The following EXOC6 variants were observed in gnomAD, a reference collection of about 807,000 sequenced individuals.
The protein encoded by EXOC6 is SEC15-like 1.
EXOC6 carries 60 observed loss-of-function variants against 112.5 expected under a neutral mutation model. That is an observed-to-expected ratio of 0.53 (90% confidence interval 0.43 to 0.66). The LOEUF is 0.66. Among genes scored for constraint, EXOC6 ranks in the 30% least tolerant of loss-of-function variants. The pLI is 0.00. For missense variants in EXOC6, 855 were observed against 957.1 expected (o/e 0.89, Z 1.41); for synonymous variants, 295 against 308.0 (o/e 0.96, Z 0.44).
At chr10:92,910,728 G>T (rs951445079) in intron 6 of EXOC6, among the ~76,000 whole-genome samples, 3 of 152,128 alleles carry the variant, frequency 2.0e-5, no homozygotes, top group African/African-American at 7.2e-5. Flanking sequence ...AGGAGACCAA[G>T]ACCATCCTGG....
chr10:92,940,904 A>C, intron 13 of EXOC6, 80 bp downstream of exon 13: 1 of 883,510 alleles, frequency 1.1e-6, no homozygotes, highest in Non-Finnish European at 1.8e-6. Flanking sequence ...ATATTAATAA[A>C]AATGCTTATA....
In EXOC6 at chr10:92,997,626, T is replaced by C; in HGVS notation, c.2095+11T>C. The C allele has an allele frequency of 6.3e-7, 1 of 1,589,946 alleles. No individual in the cohort carries two copies. Among genetic ancestry groups the C allele is most frequent in the Non-Finnish European group, 8.6e-7 (1 of 1,167,364 alleles). On this transcript the variant is annotated intron_variant, in intron 19 of 21. Coordinates refer to ENST00000260762, the MANE Select transcript of EXOC6 (RefSeq NM_019053.6). ...TCATACAGTGTGAATGTAAGTACTATATTGGTTTATTCTTATGTATTACTA... is the reference window on the plus strand; with the variant it reads ...TCATACAGTGTGAATGTAAGTACTACATTGGTTTATTCTTATGTATTACTA...
At chr10:92,906,927 C>G (rs1285856693) in intron 5 of EXOC6, among the ~76,000 whole-genome samples, 1 of 152,030 alleles carries the variant, frequency 6.6e-6, no homozygotes, top group Non-Finnish European at 1.5e-5. Context: ...TTATGTGTAT[C>G]TAAAGGAGAA....
chr10:92,918,595 T>A (rs186001738), intron 7 of EXOC6, among the ~76,000 whole-genome samples: 104 of 152,194 alleles, frequency 6.8e-4, no homozygotes, highest in African/African-American at 2.4e-3. Flanking sequence ...CTAATTTTTT[T>A]ATATTTTTTG....
intron 20 of EXOC6, among the ~76,000 whole-genome samples, chr10:93,020,301 C>A (rs1844725621): frequency 6.6e-6 from 1 of 152,090 alleles, no homozygotes; most frequent in Admixed American, 6.6e-5. Context: ...TAAACTTCAA[C>A]AAAAATCACC....
chr10:93,055,655 A>G (rs1485784398), intron 20 of EXOC6, among the ~76,000 whole-genome samples: 1 of 151,600 alleles, frequency 6.6e-6, no homozygotes, highest in Non-Finnish European at 1.5e-5. Context: ...TTTTTCAGAC[A>G]GTATATTCTT....
intron 19 of EXOC6, among the ~76,000 whole-genome samples, chr10:93,006,252 G>A (rs1375360079): frequency 6.6e-6 from 1 of 151,982 alleles, no homozygotes; most frequent in Non-Finnish European, 1.5e-5. Flanking sequence ...TCTAATTCTA[G>A]CCTTGAAAAA....
chr10:92,914,171 T>A (rs1385920630), intron 6 of EXOC6, among the ~76,000 whole-genome samples: 2 of 152,146 alleles, frequency 1.3e-5, no homozygotes, highest in Non-Finnish European at 2.9e-5. Context: ...GGCATTCGAT[T>A]CTCATAGGAG....
rs1229344573 is a variant in EXOC6, at chr10:93,027,204, A to G, written c.2169+12937A>G. On this transcript the variant is annotated intron_variant, in intron 20 of 21. Coordinates refer to ENST00000260762, the MANE Select transcript of EXOC6 (RefSeq NM_019053.6). ...AGCAAGGAGGGCCTAACTCTGTTCA[A>G]TTCTATGAAGGCTGAGAGAAGTGAG... 2.6e-5 allele frequency among the ~76,000 whole-genome samples: 4 copies of G among 152,330 alleles called. No homozygotes were observed. In the South Asian group the frequency reaches 6.2e-4, roughly 24 times the overall value.
chr10:92,953,556 G>A (rs935283247), intron 15 of EXOC6, among the ~76,000 whole-genome samples: 10 of 152,254 alleles, frequency 6.6e-5, no homozygotes, highest in African/African-American at 2.4e-4. Context: ...GGGGAGAGGT[G>A]CTACTTGAAA....
intron 7 of EXOC6, among the ~76,000 whole-genome samples, chr10:92,919,445 CACATA>C (rs1219829471): frequency 6.6e-6 from 1 of 151,526 alleles, no homozygotes; most frequent in Non-Finnish European, 1.5e-5. Flanking sequence ...TTTTTTTTTC[CACATA>C]ACATTTCAGA....
At chr10:92,876,381 C>T (rs1207548288) in intron 1 of EXOC6, among the ~76,000 whole-genome samples, 1 of 152,108 alleles carries the variant, frequency 6.6e-6, no homozygotes, top group Non-Finnish European at 1.5e-5. Context: ...TTGTTATACC[C>T]ATTTGCAGCT....
intron 18 of EXOC6, among the ~76,000 whole-genome samples, chr10:92,984,805 C>T (rs1373964384): frequency 6.6e-6 from 1 of 151,970 alleles, no homozygotes; most frequent in Admixed American, 6.6e-5. Context: ...ATTCTTCAGC[C>T]TGGGCAATGT....
chr10:92,877,177 G>C (rs1229596469), intron 1 of EXOC6, among the ~76,000 whole-genome samples: 3 of 152,170 alleles, frequency 2.0e-5, no homozygotes, highest in African/African-American at 7.2e-5. Context: ...ATTACTACAG[G>C]CATTGCCATA....
chr10:92,881,829 T>C (rs61860858), intron 1 of EXOC6, among the ~76,000 whole-genome samples: 1,720 of 152,254 alleles, frequency 0.011, 19 homozygotes, highest in Non-Finnish European at 0.017. Context: ...TCACGAGATC[T>C]GATGGTTTTA....
At chr10:93,031,975 C>G (rs1845298044) in intron 20 of EXOC6, among the ~76,000 whole-genome samples, 4 of 152,188 alleles carry the variant, frequency 2.6e-5, no homozygotes, top group Admixed American at 2.6e-4. Context: ...GAGGACTAAG[C>G]AACCATTAGC....
intron 18 of EXOC6, among the ~76,000 whole-genome samples, chr10:92,978,332 C>T (rs551092953): frequency 5.3e-4 from 81 of 151,950 alleles, no homozygotes; most frequent in African/African-American, 1.6e-3. Flanking sequence ...ATGGCTTGAG[C>T]GTGGGAGGTG....
rs192453310 is a variant in EXOC6 at position 92,895,848 on chromosome 10, C to T, written c.412+828C>T. ...GTGTTGGGATTACAGGCATGAGCCA[C>T]CACACCCGGCCTTTTTTTTTTTTTT... is the stretch of plus-strand genomic sequence containing the variant. On this transcript the variant is annotated intron_variant, in intron 4 of 21. Transcript: ENST00000260762. Among the ~76,000 whole-genome samples the T allele has an allele frequency of 1.6e-3, 222 of 141,326 alleles. 1 individual carries two copies. The highest frequency in any genetic ancestry group is 5.2e-3 in the African/African-American group (203 of 38,794). The allele number at this position is 141,326 out of a possible 152,430, so 92.7% of individuals were successfully genotyped here.
chr10:92,848,510 C>T (rs201154201), upstream of EXOC6: 113 of 1,340,424 alleles, frequency 8.4e-5, no homozygotes, highest in Non-Finnish European at 1.1e-4. Flanking sequence ...CCGCGCCTCG[C>T]TGGCTCCTCA....
Sources: gnomAD v4.1 joint callset for allele counts (sites outside exome capture counted in the v4.1 genomes callset) on GRCh38, gnomAD v4.1.1 for gene constraint, MANE v1.5 for transcripts, NCBI Gene and HGNC (gene_info 2026-07-23, HGNC 2026-07-21) for gene names.